EPHB1: variants seen among roughly 807,000 people sequenced by gnomAD.
The protein encoded by EPHB1 is EPH receptor B1.
In EPHB1, 30 loss-of-function variants were observed where a neutral mutation model predicts 94.4. That is an observed-to-expected ratio of 0.32 (90% CI 0.24 to 0.43). The LOEUF (loss-of-function observed/expected upper bound fraction) is 0.43. EPHB1 is among the 20% of genes least tolerant of loss of function. The pLI is 1.00. For missense variants in EPHB1, 1,055 were observed against 1,308.3 expected, an observed-to-expected ratio of 0.81 and a Z score of 2.99; for synonymous variants, 522 against 489.1, an observed-to-expected ratio of 1.07 and a Z score of -0.89.
chr3:134,886,069 G>A (rs567963331), intron 1 of EPHB1, among the ~76,000 whole-genome samples: 1 of 152,294 alleles, frequency 6.6e-6, no homozygotes, highest in East Asian at 1.9e-4. Context: ...TGACTCAGCA[G>A]CAGTTAAAGT....
intron 12 of EPHB1, among the ~76,000 whole-genome samples, chr3:135,210,725 T>A (rs1943012489): frequency 6.6e-6 from 1 of 152,158 alleles, no homozygotes; most frequent in African/African-American, 2.4e-5. Context: ...TCCATCTCGT[T>A]CTCCAGACTC....
intron 3 of EPHB1, among the ~76,000 whole-genome samples, chr3:135,054,977 AAAAGTGAGACAT>A (rs1937305488): frequency 1.3e-5 from 2 of 152,346 alleles, no homozygotes; most frequent in Admixed American, 1.3e-4. Context: ...CAAAAATTTG[AAAAGTGAGACAT>A]AATGAAGAAG....
intron 1 of EPHB1, among the ~76,000 whole-genome samples, chr3:134,823,562 A>G (rs1357378592): frequency 6.6e-6 from 1 of 152,198 alleles, no homozygotes. Flanking sequence ...GCTACGCACT[A>G]TCATTTCCAT....
chr3:135,255,154 A>G (rs1190931072), intron 15 of EPHB1, among the ~76,000 whole-genome samples: 1 of 151,872 alleles, frequency 6.6e-6, no homozygotes, highest in African/African-American at 2.4e-5. Flanking sequence ...TGATCCTTTC[A>G]AAAAACCAGC....
chr3:134,974,211 C>G (rs559913594), intron 3 of EPHB1, among the ~76,000 whole-genome samples: 1 of 152,128 alleles, frequency 6.6e-6, no homozygotes, highest in Admixed American at 6.5e-5. Context: ...AGGATGCACG[C>G]GTGCGCACAC....
chr3:135,187,313 A>C lies in EPHB1; in HGVS notation c.1883-5263A>C, dbSNP rs1220370056. Among the ~76,000 whole-genome samples, 3 of 152,298 alleles carry C rather than the reference A, an allele frequency of 2.0e-5. No homozygotes were observed. The East Asian group carries it at 5.8e-4, about 29-fold the overall frequency. ...TCGTTTCCTTTAAGCGTCTGTCTTA[A>C]ATATAACGTTAATTCTTGAATTGCT... On this transcript the variant is annotated intron_variant, in intron 10 of 15. Transcript: ENST00000398015.
Position 134,925,989 on chromosome 3 carries a change from A to T in EPHB1, c.123+109A>T, listed in dbSNP as rs1215574215. ...GCAGTACCTGTGGGGAATGGAATAC[A>T]GGTGTGAATGGCTGTGTCCACTGCC... On this transcript the variant is annotated intron_variant, in intron 2 of 15. Transcript: ENST00000398015. The T allele has an allele frequency of 8.4e-6, 8 of 953,026 alleles. No homozygotes were observed. In the Admixed American group the frequency reaches 2.1e-4, roughly 24 times the overall value. The allele number at this position is 953,026 out of a possible 1,614,324, so 59.0% of individuals were successfully genotyped here. A position where few individuals can be genotyped will look rare whatever the true frequency, so the allele number is the denominator to read the frequency against.
intron 6 of EPHB1, among the ~76,000 whole-genome samples, chr3:135,159,628 C>T (rs1426594878): frequency 6.6e-6 from 1 of 152,222 alleles, no homozygotes; most frequent in Non-Finnish European, 1.5e-5. Flanking sequence ...TCTTCTGAAT[C>T]CCTGAGTGGG....
chr3:134,818,354 G>T (rs960338825), intron 1 of EPHB1, among the ~76,000 whole-genome samples: 1 of 152,208 alleles, frequency 6.6e-6, no homozygotes, highest in Non-Finnish European at 1.5e-5. Flanking sequence ...TGCTGCTGGG[G>T]ACAGTCATAG....
intron 3 of EPHB1, among the ~76,000 whole-genome samples, chr3:135,105,219 T>G (rs750214104): frequency 2.0e-4 from 30 of 152,254 alleles, no homozygotes; most frequent in Non-Finnish European, 3.2e-4. Flanking sequence ...TTCAATTATA[T>G]GATGATCACA....
intron 1 of EPHB1, among the ~76,000 whole-genome samples, chr3:134,903,410 T>C (rs1021255876): frequency 6.6e-6 from 1 of 152,244 alleles, no homozygotes. Context: ...TCTGGCCTCT[T>C]CAGCAGTGTG....
chr3:134,957,085 C>A (rs1018801106), intron 3 of EPHB1, among the ~76,000 whole-genome samples: 4 of 152,088 alleles, frequency 2.6e-5, no homozygotes, highest in African/African-American at 9.7e-5. Context: ...AATGAAGGAC[C>A]AAGTGGAGAG....
rs1220218858 is a variant in EPHB1, at chr3:134,925,728, A to G, written c.59-88A>G. The G allele has an allele frequency of 9.6e-6, 11 of 1,144,636 alleles. No homozygotes were observed. In the African/African-American group the frequency reaches 1.3e-4, roughly 13 times the overall value. The allele number at this position is 1,144,636 out of a possible 1,614,324, so 70.9% of individuals were successfully genotyped here. On this transcript the variant is annotated intron_variant, in intron 1 of 15. Transcript: ENST00000398015. The stretch of plus-strand genomic sequence containing the variant: ...TTGTAGTACTGTCATTTACTATCAC[A>G]AACAACTTCGTGACCTTGAGGGCCA...
At chr3:135,235,026 G>A (rs1280656467) in intron 12 of EPHB1, among the ~76,000 whole-genome samples, 1 of 152,210 alleles carries the variant, frequency 6.6e-6, no homozygotes, top group African/African-American at 2.4e-5. Flanking sequence ...TACCTGGAAG[G>A]TCTAGCCCAG....
chr3:134,797,966 A>G (rs765161466), intron 1 of EPHB1, among the ~76,000 whole-genome samples: 24 of 152,170 alleles, frequency 1.6e-4, no homozygotes, highest in Non-Finnish European at 3.2e-4. Context: ...TACTCTCTAC[A>G]CACGGAGCCG....
At chr3:135,053,005 GTATATATA>G (rs1337401295) in intron 3 of EPHB1, among the ~76,000 whole-genome samples, 20 of 84,998 alleles carry the variant, frequency 2.4e-4, no homozygotes, top group African/African-American at 9.7e-4. Flanking sequence ...ATATGTGTGT[GTATATATA>G]TGTGTGTGTG....
At chr3:134,887,047 C>A (rs201904142) in intron 1 of EPHB1, among the ~76,000 whole-genome samples, 1 of 152,222 alleles carries the variant, frequency 6.6e-6, no homozygotes, top group Non-Finnish European at 1.5e-5. Context: ...ACATCATCTG[C>A]AGAATTAGTG....
intron 3 of EPHB1, among the ~76,000 whole-genome samples, chr3:135,043,576 G>C (rs73864235): frequency 2.0e-5 from 3 of 152,036 alleles, no homozygotes; most frequent in African/African-American, 4.8e-5. Context: ...CAAGGAGCAG[G>C]CCTCACTGAC....
chr3:134,873,529 G>A (rs972912189), intron 1 of EPHB1, among the ~76,000 whole-genome samples: 5 of 152,228 alleles, frequency 3.3e-5, no homozygotes, highest in African/African-American at 1.2e-4. Flanking sequence ...GGGGAAATAT[G>A]GCTGCGGGGA....
Sources: allele counts gnomAD v4.1 joint callset (sites outside exome capture counted in the v4.1 genomes callset), GRCh38; gene constraint gnomAD v4.1.1; transcripts MANE v1.5; gene names NCBI Gene and HGNC (gene_info 2026-07-23, HGNC 2026-07-21).